The following SHROOM3 variants were observed in gnomAD, a reference collection of about 807,000 sequenced individuals.
SHROOM3 encodes shroom family member 3.
In SHROOM3, 47 loss-of-function variants were observed where a neutral mutation model predicts 138.6. That is an observed-to-expected ratio of 0.34 (90% CI 0.27 to 0.43). SHROOM3 has a LOEUF of 0.43. Among genes scored for constraint, SHROOM3 ranks in the 20% least tolerant of loss-of-function variants. The pLI, the probability that SHROOM3 is intolerant of heterozygous loss-of-function variation, is 1.00. For missense variants in SHROOM3, 2,491 were observed against 2,596.5 expected, an observed-to-expected ratio of 0.96 and a Z score of 0.88; for synonymous variants, 1,062 against 1,063.3, an observed-to-expected ratio of 1.00 and a Z score of 0.02.
At chr4:76,660,353 G>A (rs1418493652) in intron 2 of SHROOM3, among the ~76,000 whole-genome samples, 1 of 152,086 alleles carries the variant, frequency 6.6e-6, no homozygotes, top group African/African-American at 2.4e-5. Flanking sequence ...TCTATGAGGG[G>A]CTCATTCATT....
chr4:76,666,435 A>T (rs530055933), intron 2 of SHROOM3, among the ~76,000 whole-genome samples: 2 of 152,080 alleles, frequency 1.3e-5, no homozygotes, highest in East Asian at 3.9e-4. Context: ...TGCCCAACCA[A>T]TTTTTAAATT....
rs1363301974 is a variant in SHROOM3, at chr4:76,741,712, T to C, written c.3539T>C (p.Leu1180Pro). The change falls in exon 5 of 11, where the codon CTC (leucine) becomes CCC (proline). Residue 1180 changes from leucine (L) to proline (P), a missense_variant. Coordinates refer to ENST00000296043, the MANE Select transcript of SHROOM3 (RefSeq NM_020859.4). This position sits in a 1 kb window ranked among gnomAD's most constrained non-coding sequence, Gnocchi z 6.2. ...AGCTCCTTCGCCGGTGGCCGCCGCC[T>C]CGGGGAACGGCGACGCGGGGACCTG... ...RSSSFAGGRR[L>P]GERRRGDLLS... 1 of 1,553,980 alleles carries C rather than the reference T, an allele frequency of 6.4e-7. No homozygotes were observed. Among genetic ancestry groups the C allele is most frequent in the Non-Finnish European group, 8.7e-7 (1 of 1,149,974 alleles).
chr4:76,480,164 A>G (rs1392895417), intron 1 of SHROOM3, among the ~76,000 whole-genome samples: 1 of 152,084 alleles, frequency 6.6e-6, no homozygotes. Flanking sequence ...AATGCCCCTT[A>G]ATAGACCGAT....
intron 1 of SHROOM3, among the ~76,000 whole-genome samples, chr4:76,467,002 C>G (rs1320148821): frequency 6.7e-6 from 1 of 150,034 alleles, no homozygotes; most frequent in Non-Finnish European, 1.5e-5. Flanking sequence ...GTGCTGGATG[C>G]TTTTTATATA....
At chr4:76,516,234 C>T (rs1271352902) in intron 1 of SHROOM3, among the ~76,000 whole-genome samples, 1 of 152,192 alleles carries the variant, frequency 6.6e-6, no homozygotes, top group Non-Finnish European at 1.5e-5. Context: ...CGTCATTTCT[C>T]CTGTTCAGTT....
At chr4:76,735,891 A>T (rs1721056254) in intron 4 of SHROOM3, among the ~76,000 whole-genome samples, 1 of 102,094 alleles carries the variant, frequency 9.8e-6, no homozygotes. Context: ...ATATATATAT[A>T]TATATATATA....
chr4:76,459,082 T>G (rs1200277335), intron 1 of SHROOM3, among the ~76,000 whole-genome samples: 1 of 152,192 alleles, frequency 6.6e-6, no homozygotes, highest in Non-Finnish European at 1.5e-5. Flanking sequence ...TCTTTTATTC[T>G]CTTATTCCTG....
chr4:76,651,331 A>T (rs900550694), intron 2 of SHROOM3, among the ~76,000 whole-genome samples: 1 of 148,924 alleles, frequency 6.7e-6, no homozygotes, highest in African/African-American at 2.5e-5. Flanking sequence ...AGGGGGATGG[A>T]TACCCCATTC....
intron 2 of SHROOM3, among the ~76,000 whole-genome samples, chr4:76,584,712 G>A (rs1183587502): frequency 6.6e-6 from 1 of 152,156 alleles, no homozygotes; most frequent in Non-Finnish European, 1.5e-5. Context: ...TGAATTGCAC[G>A]GCCTGGCTGC....
intron 1 of SHROOM3, among the ~76,000 whole-genome samples, chr4:76,500,135 G>A (rs1732059710): frequency 6.6e-6 from 1 of 152,128 alleles, no homozygotes; most frequent in African/African-American, 2.4e-5. Flanking sequence ...TAGACAGTGA[G>A]CTTGACTTTT....
chr4:76,769,946 G>T (rs1044898906), intron 9 of SHROOM3, among the ~76,000 whole-genome samples: 26 of 152,146 alleles, frequency 1.7e-4, no homozygotes, highest in African/African-American at 5.6e-4. Context: ...TGTAAAATAA[G>T]AATACTGTTT....
intron 2 of SHROOM3, among the ~76,000 whole-genome samples, chr4:76,682,224 G>C (rs781372077): frequency 6.6e-6 from 1 of 152,136 alleles, no homozygotes. Context: ...AAAGATGAAG[G>C]TTACTGGAAA....
intron 2 of SHROOM3, among the ~76,000 whole-genome samples, chr4:76,657,158 C>G (rs1227936186): frequency 6.6e-6 from 1 of 151,594 alleles, no homozygotes; most frequent in Non-Finnish European, 1.5e-5. Flanking sequence ...GCCTGGGCAA[C>G]AAGAGCGAAA....
At chr4:76,736,380 A>G (rs1721073713) in intron 4 of SHROOM3, among the ~76,000 whole-genome samples, 1 of 152,138 alleles carries the variant, frequency 6.6e-6, no homozygotes, top group Non-Finnish European at 1.5e-5. Flanking sequence ...CAGTCAACTG[A>G]CTTTCTCTGA....
chr4:76,441,176 G>T (rs1372489888), intron 1 of SHROOM3, among the ~76,000 whole-genome samples: 3 of 136,274 alleles, frequency 2.2e-5, no homozygotes, highest in Non-Finnish European at 4.6e-5. Flanking sequence ...CTCACTGCAA[G>T]CTCCGCCTCC....
chr4:76,449,738 A>C (rs2109968932), intron 1 of SHROOM3, among the ~76,000 whole-genome samples: 1 of 152,332 alleles, frequency 6.6e-6, no homozygotes, highest in South Asian at 2.1e-4. Context: ...CATATAATTC[A>C]TGTTGTCAGT....
At chr4:76,469,518 G>A (rs1394158880) in intron 1 of SHROOM3, among the ~76,000 whole-genome samples, 6 of 151,814 alleles carry the variant, frequency 4.0e-5, no homozygotes, top group Non-Finnish European at 7.4e-5. Flanking sequence ...GTACAGTGGC[G>A]CAATCTCAGC....
intron 2 of SHROOM3, among the ~76,000 whole-genome samples, chr4:76,614,601 G>A (rs922161957): frequency 1.2e-4 from 19 of 152,088 alleles, no homozygotes; most frequent in African/African-American, 4.1e-4. Context: ...TTTAAGCCCT[G>A]CATGCATTAG....
intron 9 of SHROOM3, among the ~76,000 whole-genome samples, chr4:76,770,349 AAACAGAAG>A (rs1560623503): frequency 6.7e-5 from 9 of 134,492 alleles, no homozygotes; most frequent in Non-Finnish European, 1.2e-4. Context: ...AAAAAAAAAA[AAACAGAAG>A]ACAAAGCTGT....
Sources: allele counts gnomAD v4.1 joint callset (sites outside exome capture counted in the v4.1 genomes callset), GRCh38; gene constraint gnomAD v4.1.1; non-coding constraint Gnocchi (gnomAD v3.1); transcripts MANE v1.5; gene names NCBI Gene and HGNC (gene_info 2026-07-23, HGNC 2026-07-21).